The following CNBP variants were observed in gnomAD, a reference collection of about 807,000 sequenced individuals.
The protein encoded by CNBP is CCHC-type zinc finger nucleic acid binding protein.
In CNBP, 6 loss-of-function variants were observed where a neutral mutation model predicts 21.2. That is an observed-to-expected ratio of 0.28 (90% CI 0.16 to 0.56). The LOEUF (loss-of-function observed/expected upper bound fraction) is 0.56. Among genes scored for constraint, CNBP ranks in the 20% least tolerant of loss-of-function variants. The pLI is 0.93. For missense variants in CNBP, 112 were observed against 233.1 expected, an observed-to-expected ratio of 0.48 and a Z score of 3.38; for synonymous variants, 61 against 74.9, an observed-to-expected ratio of 0.81 and a Z score of 0.96.
intron 1 of CNBP, among the ~76,000 whole-genome samples, chr3:129,176,990 A>G (rs1413202521): frequency 1.3e-5 from 2 of 152,210 alleles, no homozygotes; most frequent in Admixed American, 6.5e-5. Context: ...CGTGTGGCTG[A>G]GAAATTTACA....
chr3:129,183,337 C>T (rs1044552519), intron 1 of CNBP, among the ~76,000 whole-genome samples: 5 of 152,186 alleles, frequency 3.3e-5, no homozygotes, highest in African/African-American at 1.2e-4. Context: ...ACTATACCCA[C>T]CCCATCCCCC....
intron 1 of CNBP, among the ~76,000 whole-genome samples, chr3:129,183,452 G>C (rs911884144): frequency 2.0e-4 from 31 of 152,336 alleles, no homozygotes; most frequent in Middle Eastern, 6.8e-3. Context: ...GAAGCGTCAG[G>C]GCCTCGGCCC....
intron 4 of CNBP, 37 bp from the exon 5 acceptor site, chr3:129,170,607 A>C (rs1307539234): frequency 6.5e-7 from 1 of 1,536,366 alleles, no homozygotes; most frequent in East Asian, 2.2e-5. Flanking sequence ...AATGGGCCTC[A>C]GAAAAAAACT....
In CNBP at chr3:129,167,972, AATTT is replaced by A. The variant is rs1449356001; in HGVS notation, c.*2477_*2480del. Among the ~76,000 whole-genome samples, 2 of 152,216 alleles carry A rather than the reference AATTT, an allele frequency of 1.3e-5. No homozygotes were observed. Among genetic ancestry groups the A allele is most frequent in the Non-Finnish European group, 2.9e-5 (2 of 68,042 alleles). ...TTTTTCTTGCTTGCTCAGGACTATT[AATTT>A]GACAAGGTTGGAATGTGCACAGCAC... On this transcript the variant is annotated 3_prime_UTR_variant, in exon 5 of 5. Transcript: ENST00000422453.
chr3:129,171,316 A>G, intron 3 of CNBP, 39 bp from the exon 4 acceptor site: 1 of 1,611,530 alleles, frequency 6.2e-7, no homozygotes, highest in Non-Finnish European at 8.5e-7. Flanking sequence ...AAGACTATAA[A>G]ACCTTTACAA....
intron 2 of CNBP, 23 bp downstream of exon 2, chr3:129,171,611 A>G: frequency 6.2e-7 from 1 of 1,614,198 alleles, no homozygotes; most frequent in Non-Finnish European, 8.5e-7. Flanking sequence ...AAGTACTTCA[A>G]ATTTTTCTAT....
intron 1 of CNBP, among the ~76,000 whole-genome samples, chr3:129,177,766 T>G (rs1938012845): frequency 6.6e-6 from 1 of 152,216 alleles, no homozygotes; most frequent in Non-Finnish European, 1.5e-5. Flanking sequence ...TGTCCTAAGT[T>G]TCCATTTTTG....
chr3:129,181,069 G>A (rs1012284851), intron 1 of CNBP, among the ~76,000 whole-genome samples: 7 of 150,812 alleles, frequency 4.6e-5, no homozygotes, highest in East Asian at 3.9e-4. Context: ...GTGAAACCCC[G>A]TCTCTACAAA....
chr3:129,181,381 C>T (rs1269140590), intron 1 of CNBP, among the ~76,000 whole-genome samples: 2 of 151,298 alleles, frequency 1.3e-5, no homozygotes, highest in Non-Finnish European at 2.9e-5. Flanking sequence ...TGGCCAGGCG[C>T]GGTGGCTCCT....
intron 2 of CNBP, 32 bp from the exon 3 acceptor site, chr3:129,171,570 G>A: frequency 6.2e-7 from 1 of 1,613,938 alleles, no homozygotes; most frequent in Non-Finnish European, 8.5e-7. Context: ...AATTCGGCTA[G>A]TCAGACCAGT....
At chr3:129,178,275 T>TA (rs1938059614) in intron 1 of CNBP, among the ~76,000 whole-genome samples, 1 of 152,142 alleles carries the variant, frequency 6.6e-6, no homozygotes, top group African/African-American at 2.4e-5. Flanking sequence ...ATCTTGGAAT[T>TA]AAAGAAACCA....
chr3:129,181,386 G>A (rs1043811620), intron 1 of CNBP, among the ~76,000 whole-genome samples: 1 of 151,316 alleles, frequency 6.6e-6, no homozygotes, highest in Admixed American at 6.6e-5. Context: ...AGGCGCGGTG[G>A]CTCCTGCCTG....
chr3:129,180,570 T>C (rs1248871726), intron 1 of CNBP, among the ~76,000 whole-genome samples: 4 of 152,214 alleles, frequency 2.6e-5, no homozygotes, highest in Non-Finnish European at 5.9e-5. Flanking sequence ...ATGAAAATGC[T>C]GCATAGCTTA....
At chr3:129,177,839 CAAGAG>C (rs1234482010) in intron 1 of CNBP, among the ~76,000 whole-genome samples, 1 of 152,086 alleles carries the variant, frequency 6.6e-6, no homozygotes, top group Admixed American at 6.6e-5. Context: ...GCATGTCAGG[CAAGAG>C]AAGAAATGAC....
At chr3:129,183,136 G>A (rs757457552) in intron 1 of CNBP, among the ~76,000 whole-genome samples, 7 of 152,092 alleles carry the variant, frequency 4.6e-5, no homozygotes, top group East Asian at 3.9e-4. Context: ...TTTTAGTACA[G>A]ACCAACTTTC....
At chr3:129,183,576 G>T (rs142379989) in intron 1 of CNBP, among the ~76,000 whole-genome samples, 200 bp downstream of exon 1, 79 of 152,376 alleles carry the variant, frequency 5.2e-4, no homozygotes, top group African/African-American at 1.9e-3. Context: ...AGAAAGGACA[G>T]AAGTGTCGTC....
rs865819357 is a variant in CNBP at position 129,179,218 on chromosome 3, G to A, written c.-15+4558C>T. Among the ~76,000 whole-genome samples, 65 of 151,576 alleles carry A rather than the reference G, an allele frequency of 4.3e-4. 1 individual carries two copies. Among genetic ancestry groups the A allele is most frequent in the Admixed American group, 2.1e-3 (32 of 15,224 alleles). On this transcript the variant is annotated intron_variant, in intron 1 of 4. Transcript: ENST00000422453. ...CTTGAACCCGGGAGGCAGAGGTTGC[G>A]GTGAGCCGAGATCATGCCATCGCAC...
At chr3:129,172,683 GACAGACAGACAGAC>G (rs1229126131) in intron 1 of CNBP, among the ~76,000 whole-genome samples, 131 of 95,912 alleles carry the variant, frequency 1.4e-3, no homozygotes, top group East Asian at 4.1e-3. Context: ...CAGACAGACA[GACAGACAGACAGAC>G]ACACACACAC....
chr3:129,171,436 A>C lies in CNBP; in HGVS notation c.217+10T>G. The C allele has an allele frequency of 6.2e-7, 1 of 1,611,654 alleles. No individual in the cohort carries two copies. The highest frequency in any genetic ancestry group is 8.5e-7 in the Non-Finnish European group (1 of 1,177,650). On this transcript the variant is annotated intron_variant, in intron 3 of 4. Coordinates refer to ENST00000422453, the MANE Select transcript of CNBP (RefSeq NM_003418.5). Reference sequence around the variant, plus strand: ...TAGAGGGGTATGAAAAGGAAGTGTTAAATACTTACCATCCTCCTGAAGATC... The same window carrying C: ...TAGAGGGGTATGAAAAGGAAGTGTTCAATACTTACCATCCTCCTGAAGATC...
Sources: gnomAD v4.1 joint callset for allele counts (sites outside exome capture counted in the v4.1 genomes callset) on GRCh38, gnomAD v4.1.1 for gene constraint, MANE v1.5 for transcripts, NCBI Gene and HGNC (gene_info 2026-07-23, HGNC 2026-07-21) for gene names.